Variants in TXNL1 observed in about 807,000 individuals in gnomAD.
The protein encoded by TXNL1 is thioredoxin like 1.
A neutral mutation model predicts 35.5 loss-of-function variants in TXNL1; 14 were observed. The ratio of observed to expected loss-of-function variants is 0.39; its 90% confidence interval spans 0.26 to 0.62. The LOEUF (loss-of-function observed/expected upper bound fraction) is 0.62, where lower values mean the gene tolerates loss of function less well. Among genes scored for constraint, TXNL1 ranks in the 20% least tolerant of loss-of-function variants. The probability of loss-of-function intolerance (pLI) is 0.47; values close to 1 mark genes in which losing one functional copy is unlikely to be tolerated. For missense variants in TXNL1, 263 were observed against 349.7 expected (o/e 0.75, Z 1.98); for synonymous variants, 110 against 115.5 (o/e 0.95, Z 0.31).
chr18:56,627,083 A>G lies in TXNL1; in HGVS notation c.99-626T>C, dbSNP rs563927094. On this transcript the variant is annotated intron_variant, in intron 1 of 7. Transcript: ENST00000217515. ...CTGCCTTGGGCCTCCCAAAGTGCAGACATTACAGGCATGAACCATAACCCT... is the reference window on the plus strand; with the variant it reads ...CTGCCTTGGGCCTCCCAAAGTGCAGGCATTACAGGCATGAACCATAACCCT... Among the ~76,000 whole-genome samples, 3 of 151,816 alleles carry G rather than the reference A, an allele frequency of 2.0e-5. No homozygotes were observed. The East Asian group carries it at 5.8e-4, about 29-fold the overall frequency.
Position 56,601,273 on chromosome 18 carries a change from T to G in TXNL1, c.*1754A>C, listed in dbSNP as rs971026778. On this transcript the variant is annotated 3_prime_UTR_variant, in exon 8 of 8. Transcript: ENST00000217515. The stretch of plus-strand genomic sequence containing the variant: ...TTTTCACTATTTACAATTTGAATTA[T>G]GTAATACTTGCATACTGCAACTAAT... The G allele has an allele frequency of 6.6e-6, 1 of 152,240 alleles. No homozygotes were observed. Among genetic ancestry groups the G allele is most frequent in the Non-Finnish European group, 1.5e-5 (1 of 68,030 alleles). The allele number at this position is 152,240 out of a possible 1,614,324, so 9.4% of individuals were successfully genotyped here.
At chr18:56,630,886 C>CT (rs35788172) in intron 1 of TXNL1, among the ~76,000 whole-genome samples, 1 of 151,544 alleles carries the variant, frequency 6.6e-6, no homozygotes, top group African/African-American at 2.4e-5. Context: ...CGATCATTTT[C>CT]TTTTTTCTTT....
intron 7 of TXNL1, among the ~76,000 whole-genome samples, chr18:56,606,939 A>T (rs570283821): frequency 1.3e-5 from 2 of 152,274 alleles, no homozygotes; most frequent in South Asian, 4.1e-4. Flanking sequence ...TTTTAACCAC[A>T]GTATATTGTT....
At chr18:56,617,952 G>A (rs1397000294) in intron 4 of TXNL1, 52 bp downstream of exon 4, 1 of 1,591,600 alleles carries the variant, frequency 6.3e-7, no homozygotes, top group African/African-American at 1.3e-5. Flanking sequence ...AGAAACAAGA[G>A]CAGGCATAAA....
chr18:56,599,445 A>G lies in TXNL1; in HGVS notation c.*3582T>C, dbSNP rs907897005. On this transcript the variant is annotated 3_prime_UTR_variant, in exon 8 of 8. Transcript: ENST00000217515. ...TGTTATATATACTTGCTTTATGTGTATTATAAAGCATAATCTATATTTACA... is the reference window on the plus strand; with the variant it reads ...TGTTATATATACTTGCTTTATGTGTGTTATAAAGCATAATCTATATTTACA... 2.6e-5 allele frequency: 4 copies of G among 152,158 alleles called. No individual in the cohort carries two copies. The highest frequency in any genetic ancestry group is 9.7e-5 in the African/African-American group (4 of 41,442). 9.4% of individuals were successfully genotyped at this position (152,158 alleles called of 1,614,324 possible). A position where few individuals can be genotyped will look rare whatever the true frequency, so the allele number is the denominator to read the frequency against.
At chr18:56,638,114 C>A (rs1463359979) in intron 1 of TXNL1, among the ~76,000 whole-genome samples, 1 of 152,188 alleles carries the variant, frequency 6.6e-6, no homozygotes, top group Non-Finnish European at 1.5e-5. Context: ...GAGAAATCTC[C>A]TGAGCTGGAG....
Position 56,622,974 on chromosome 18 carries a change from C to A in TXNL1, c.369+1314G>T, listed in dbSNP as rs1340969976. Among the ~76,000 whole-genome samples the A allele has an allele frequency of 4.6e-5, 7 of 152,070 alleles. No individual in the cohort carries two copies. In the East Asian group the frequency reaches 5.8e-4, roughly 13 times the overall value. On this transcript the variant is annotated intron_variant, in intron 3 of 7. Coordinates refer to ENST00000217515, the MANE Select transcript of TXNL1 (RefSeq NM_004786.3). The stretch of plus-strand genomic sequence containing the variant: ...TCACATTACTGATGCTTTCTGACAC[C>A]CTTACAATCTCCTACTACACACCCA...
At chr18:56,629,336 A>T (rs2144329476) in intron 1 of TXNL1, among the ~76,000 whole-genome samples, 1 of 152,248 alleles carries the variant, frequency 6.6e-6, no homozygotes, top group South Asian at 2.1e-4. Flanking sequence ...TAGATCAGCC[A>T]GGCCAACATG....
At chr18:56,608,071 G>GA (rs1268556271) in intron 7 of TXNL1, among the ~76,000 whole-genome samples, 3 of 152,034 alleles carry the variant, frequency 2.0e-5, no homozygotes, top group African/African-American at 7.2e-5. Context: ...GGCATCCACC[G>GA]GGGGTCTAAG....
At chr18:56,618,320 G>A (rs765094914) in intron 3 of TXNL1, among the ~76,000 whole-genome samples, 194 bp from the exon 4 acceptor site, 15 of 152,056 alleles carry the variant, frequency 9.9e-5, no homozygotes, top group Non-Finnish European at 1.8e-4. Flanking sequence ...GCCAAGTCTA[G>A]GCTTAGCCTA....
Position 56,624,672 on chromosome 18 carries a change from C to G in TXNL1, c.196-211G>C, listed in dbSNP as rs147396628. On this transcript the variant is annotated intron_variant, in intron 2 of 7. Transcript: ENST00000217515. ...TTACCATCACACACACAATAAAGAA[C>G]ATTCCCCATGTTTTTATCATTTTTA... Among the ~76,000 whole-genome samples, 155 of 152,242 alleles carry G rather than the reference C, an allele frequency of 1.0e-3. 1 individual carries two copies. The highest frequency in any genetic ancestry group is 3.6e-3 in the African/African-American group (149 of 41,552).
At chr18:56,621,599 C>G (rs1006246837) in intron 3 of TXNL1, among the ~76,000 whole-genome samples, 7 of 152,228 alleles carry the variant, frequency 4.6e-5, no homozygotes, top group African/African-American at 1.7e-4. Flanking sequence ...TGGAAACTGA[C>G]ATATTCTGAA....
chr18:56,611,252 C>T (rs537312276), intron 6 of TXNL1, among the ~76,000 whole-genome samples, 155 bp from the exon 7 acceptor site: 9 of 152,158 alleles, frequency 5.9e-5, no homozygotes, highest in African/African-American at 2.2e-4. Flanking sequence ...GTAATCCCAG[C>T]ACTTTGGGAG....
intron 6 of TXNL1, among the ~76,000 whole-genome samples, chr18:56,612,280 A>T (rs1013691869): frequency 6.6e-6 from 1 of 152,058 alleles, no homozygotes; most frequent in African/African-American, 2.4e-5. Context: ...GAAAATCTCT[A>T]AAGTGATATT....
intron 3 of TXNL1, among the ~76,000 whole-genome samples, chr18:56,618,431 T>C (rs190335891): frequency 6.6e-6 from 1 of 152,302 alleles, no homozygotes; most frequent in East Asian, 1.9e-4. Flanking sequence ...AATTAAAATA[T>C]CCGTAAGATC....
intron 7 of TXNL1, among the ~76,000 whole-genome samples, chr18:56,607,122 T>C (rs2023909739): frequency 6.6e-6 from 1 of 151,758 alleles, no homozygotes; most frequent in South Asian, 2.1e-4. Flanking sequence ...CCCAGGTAGC[T>C]AGAACTACAG....
At chr18:56,633,129 C>G (rs150234565) in intron 1 of TXNL1, among the ~76,000 whole-genome samples, 10 of 150,852 alleles carry the variant, frequency 6.6e-5, no homozygotes, top group South Asian at 2.1e-4. Context: ...CTAAGCAACA[C>G]GACAAAACCC....
intron 1 of TXNL1, among the ~76,000 whole-genome samples, chr18:56,633,883 C>G (rs2729492): frequency 6.9e-6 from 1 of 145,676 alleles, no homozygotes; most frequent in African/African-American, 2.6e-5. Flanking sequence ...CCTCAGGAGG[C>G]TGAGGCAGGA....
At position 56,624,324 on chromosome 18, in the gene TXNL1, A is replaced by G; in HGVS notation, c.333T>C (p.Pro111=). Residue 111 remains proline, a synonymous_variant, in exon 3 of 8, where the codon CCT becomes CCC. Transcript: ENST00000217515. ...GAATATCTGTGTCCTCATTGCTTCC[A>G]GGGTCATTTTCTAAGTGCTGCTTGA... ...EKIKQHLEND[P]GSNEDTDIPK... 6.2e-7 allele frequency: 1 copy of G among 1,613,828 alleles called. No homozygotes were observed. The highest frequency in any genetic ancestry group is 8.5e-7 in the Non-Finnish European group (1 of 1,179,832).
Sources: allele counts gnomAD v4.1 joint callset (sites outside exome capture counted in the v4.1 genomes callset), GRCh38; gene constraint gnomAD v4.1.1; transcripts MANE v1.5; gene names NCBI Gene and HGNC (gene_info 2026-07-23, HGNC 2026-07-21).